The following ANK2 variants were observed in gnomAD, a reference collection of about 807,000 sequenced individuals.
ANK2 encodes the protein ankyrin-2.
A neutral mutation model predicts 360.5 loss-of-function variants in ANK2; 83 were observed. The observed-to-expected ratio is 0.23, with a 90% confidence interval of 0.19 to 0.28. The LOEUF is 0.28. Ranked by LOEUF, ANK2 falls within the 10% of genes least tolerant of loss-of-function variation. ANK2 has a pLI of 1.00. For missense variants in ANK2, 4,201 were observed against 4,795.7 expected (o/e 0.88, Z 3.66); for synonymous variants, 1,740 against 1,759.5 (o/e 0.99, Z 0.28).
At chr4:112,984,922 A>T (rs7684575) in intron 2 of ANK2, among the ~76,000 whole-genome samples, 39,280 of 152,110 alleles carry the variant, frequency 0.26, 5,405 homozygotes, top group East Asian at 0.43. Context: ...CTCCTTCTGT[A>T]TGGCTTGAGT....
chr4:113,133,847 T>A (rs2096227676), intron 1 of ANK2, among the ~76,000 whole-genome samples: 1 of 152,182 alleles, frequency 6.6e-6, no homozygotes, highest in African/African-American at 2.4e-5. Context: ...CCCAGATGAC[T>A]TGAATCTGTG....
rs957900873 is a variant in ANK2, at chr4:113,091,359, T to G, written c.84+41547T>G. On this transcript the variant is annotated intron_variant, in intron 1 of 45. Transcript: ENST00000357077. ...CAGGAATTTAGGCAAACTAACTAAA[T>G]AGTAGACCTTTCTTTTGATCAAATT... is the stretch of plus-strand genomic sequence containing the variant. Among the ~76,000 whole-genome samples the G allele has an allele frequency of 4.6e-5, 7 of 152,216 alleles. No individual in the cohort carries two copies. The South Asian group carries it at 1.0e-3, about 22-fold the overall frequency.
the ANK2 span, among the ~76,000 whole-genome samples, chr4:112,766,425 G>T: frequency 6.6e-6 from 1 of 152,062 alleles, no homozygotes; most frequent in Non-Finnish European, 1.5e-5. Context: ...TAACTATTTT[G>T]TTAGAAATCC....
chr4:112,918,130 T>A (rs1199216874), intron 2 of ANK2, among the ~76,000 whole-genome samples: 1 of 152,150 alleles, frequency 6.6e-6, no homozygotes, highest in Non-Finnish European at 1.5e-5. Context: ...TTCTGAGTAG[T>A]CACCTATTCA....
At chr4:113,184,665 C>G (rs540087996) in intron 2 of ANK2, among the ~76,000 whole-genome samples, 2 of 152,092 alleles carry the variant, frequency 1.3e-5, no homozygotes, top group Non-Finnish European at 2.9e-5. Flanking sequence ...ATTTTGCCAA[C>G]TGATGTTCTC....
At chr4:112,799,197 T>G in the ANK2 span, among the ~76,000 whole-genome samples, 2 of 152,214 alleles carry the variant, frequency 1.3e-5, no homozygotes, top group South Asian at 4.1e-4. Context: ...ATGTACCATA[T>G]TTTGTTTTAT....
At chr4:112,711,321 G>T in the ANK2 span, among the ~76,000 whole-genome samples, 185 of 152,170 alleles carry the variant, frequency 1.2e-3, no homozygotes, top group African/African-American at 4.3e-3. Context: ...TCAGGAATTT[G>T]CGACCAGCCT....
Position 113,355,111 on chromosome 4 carries a change from C to T in ANK2, c.6493C>T (p.His2165Tyr), listed in dbSNP as rs1480743772. 1.2e-6 allele frequency: 2 copies of T among 1,614,124 alleles called. No homozygotes were observed. The highest frequency in any genetic ancestry group is 2.2e-5 in the South Asian group (2 of 91,086). Residue 2165 changes from histidine (H) to tyrosine (Y), a missense_variant, in exon 38 of 46, where the codon CAC (histidine) becomes TAC (tyrosine). By Grantham distance (83) the His-to-Tyr change is moderately conservative. Transcript: ENST00000357077. ...LSEETEKAQLHLDQVLTSPFN... is the reference protein window; with the variant it reads ...LSEETEKAQLYLDQVLTSPFN... ...TGAGGAGACAGAAAAGGCACAGCTT[C>T]ACTTAGACCAAGTACTCACTAGTCC...
chr4:112,726,772 A>C, the ANK2 span, among the ~76,000 whole-genome samples: 10 of 149,104 alleles, frequency 6.7e-5, no homozygotes, highest in Admixed American at 6.1e-4. Context: ...AATGGCGTGA[A>C]CCTGGGAGGC....
At chr4:113,212,511 A>G (rs947196124) in intron 4 of ANK2, among the ~76,000 whole-genome samples, 1 of 152,218 alleles carries the variant, frequency 6.6e-6, no homozygotes, top group Non-Finnish European at 1.5e-5. Context: ...ATGGCCAGCG[A>G]TCTCTTTTGA....
the ANK2 span, among the ~76,000 whole-genome samples, chr4:112,713,790 C>A: frequency 4.7e-5 from 7 of 150,486 alleles, no homozygotes; most frequent in African/African-American, 7.3e-5. Flanking sequence ...AAAAATTAGC[C>A]GGGCGTGGTG....
intron 45 of ANK2, among the ~76,000 whole-genome samples, chr4:113,377,022 A>G (rs953036527): frequency 5.9e-5 from 9 of 152,012 alleles, no homozygotes; most frequent in African/African-American, 2.2e-4. Context: ...GCTCCTTGAT[A>G]ATTAACTGTT....
At chr4:112,852,196 T>A (rs1297077479) in intron 1 of ANK2, among the ~76,000 whole-genome samples, 1 of 152,252 alleles carries the variant, frequency 6.6e-6, no homozygotes, top group Non-Finnish European at 1.5e-5. Context: ...GAAAAGATGA[T>A]GGTTTTGGAA....
chr4:112,814,425 GTTTTTTTGTTTT>G (rs1430167239), upstream of ANK2, among the ~76,000 whole-genome samples: 4 of 74,372 alleles, frequency 5.4e-5, no homozygotes, highest in East Asian at 3.5e-3. Context: ...ACTGGAGAGC[GTTTTTTTGTTTT>G]TTTGTTTGTT....
At chr4:113,099,081 C>T (rs2092302107) in intron 1 of ANK2, among the ~76,000 whole-genome samples, 1 of 151,942 alleles carries the variant, frequency 6.6e-6, no homozygotes, top group Non-Finnish European at 1.5e-5. Flanking sequence ...TAGCTGCTTT[C>T]CCCCTAAGAC....
chr4:112,812,614 C>T, the ANK2 span, among the ~76,000 whole-genome samples: 3 of 152,154 alleles, frequency 2.0e-5, no homozygotes, highest in African/African-American at 4.8e-5. Flanking sequence ...TCAAATGATG[C>T]TAAGTGGAGT....
chr4:112,877,451 G>A (rs1180117789), intron 1 of ANK2, among the ~76,000 whole-genome samples: 1 of 152,170 alleles, frequency 6.6e-6, no homozygotes, highest in East Asian at 1.9e-4. Context: ...CAGGGCTCAA[G>A]TGATCCTCAC....
intron 30 of ANK2, 161 bp from the exon 31 acceptor site, chr4:113,336,416 T>C: frequency 1.4e-6 from 1 of 725,622 alleles, no homozygotes; most frequent in Non-Finnish European, 2.2e-6. Context: ...GAGTGCTTAG[T>C]AATAATACTG....
chr4:112,837,988 T>C (rs1168536102), intron 1 of ANK2, among the ~76,000 whole-genome samples: 1 of 152,114 alleles, frequency 6.6e-6, no homozygotes, highest in African/African-American at 2.4e-5. Flanking sequence ...TTTCAAAATG[T>C]GAAAATGACA....
Sources: allele counts gnomAD v4.1 joint callset (sites outside exome capture counted in the v4.1 genomes callset), GRCh38; gene constraint gnomAD v4.1.1; transcripts MANE v1.5; gene names NCBI Gene and HGNC (gene_info 2026-07-23, HGNC 2026-07-21).